The following PLD5 variants were observed in gnomAD, a reference collection of about 807,000 sequenced individuals.
PLD5 encodes the protein inactive phospholipase D5.
Under a neutral mutation model 61.1 loss-of-function variants are expected in PLD5, and 36 were observed. The ratio of observed to expected loss-of-function variants is 0.59; its 90% CI spans 0.45 to 0.78. PLD5 has a LOEUF of 0.78. Ranked by LOEUF, PLD5 falls within the 30% of genes least tolerant of loss-of-function variation. The pLI, the probability that PLD5 is intolerant of heterozygous loss-of-function variation, is 0.00. For missense variants in PLD5, 515 were observed against 644.4 expected (o/e 0.80, Z 2.17); for synonymous variants, 243 against 242.8 (o/e 1.00, Z -0.01).
At chr1:242,130,282 C>T (rs1304562320) in intron 5 of PLD5, among the ~76,000 whole-genome samples, 1 of 152,100 alleles carries the variant, frequency 6.6e-6, no homozygotes, top group Non-Finnish European at 1.5e-5. Flanking sequence ...AAACTCCTGA[C>T]CTCAGGTGAT....
In PLD5 at chr1:242,085,660, T is replaced by C. The variant is rs1659412864; in HGVS notation, c.*4194A>G. On this transcript the variant is annotated 3_prime_UTR_variant, in exon 10 of 10. Transcript: ENST00000536534. ...TGTATAATAAAGCACACCAGTTCAT[T>C]GGGAACAAGTACAGAAAGATAAAAG... is the stretch of plus-strand genomic sequence containing the variant. The C allele has an allele frequency of 6.6e-6, 1 of 152,214 alleles. No individual in the cohort carries two copies. The highest frequency in any genetic ancestry group is 2.1e-4 in the South Asian group (1 of 4,834). 9.4% of individuals were successfully genotyped at this position (152,214 alleles called of 1,614,324 possible).
chr1:242,221,306 T>C (rs1223859286), intron 4 of PLD5, among the ~76,000 whole-genome samples: 1 of 152,198 alleles, frequency 6.6e-6, no homozygotes, highest in African/African-American at 2.4e-5. Flanking sequence ...AACAGACCTA[T>C]ATGCATATAT....
chr1:242,408,863 T>C (rs776375322), intron 1 of PLD5, among the ~76,000 whole-genome samples: 1 of 152,052 alleles, frequency 6.6e-6, no homozygotes, highest in African/African-American at 2.4e-5. Flanking sequence ...GGTCAGGAGT[T>C]CGAGACCAGC....
rs149643594 is a variant in PLD5 at position 242,193,477 on chromosome 1, C to T, written c.735+26511G>A. On this transcript the variant is annotated intron_variant, in intron 5 of 9. Coordinates refer to ENST00000536534, the MANE Select transcript of PLD5 (RefSeq NM_001372062.1). ...GGTGGCCATGCACAGAGAGACTTCT[C>T]CACGGAGGGGTTCCCCTTGCCAAGG... Among the ~76,000 whole-genome samples, 37 of 152,302 alleles carry T rather than the reference C, an allele frequency of 2.4e-4. No individual in the cohort carries two copies. The East Asian group carries it at 6.2e-3, about 25-fold the overall frequency.
At chr1:242,407,550 G>GTTGT (rs58824953) in intron 1 of PLD5, among the ~76,000 whole-genome samples, 58,928 of 146,276 alleles carry the variant, frequency 0.4, 12,330 homozygotes, top group African/African-American at 0.53. Flanking sequence ...TTTTTTTGTT[G>GTTGT]TGGTTGTTTT....
At chr1:242,174,270 T>A (rs1666968719) in intron 5 of PLD5, among the ~76,000 whole-genome samples, 1 of 152,200 alleles carries the variant, frequency 6.6e-6, no homozygotes. Context: ...AAAGAAGACA[T>A]TTATGCAGCC....
chr1:242,258,261 A>T (rs190083143), intron 4 of PLD5, among the ~76,000 whole-genome samples: 1 of 152,324 alleles, frequency 6.6e-6, no homozygotes, highest in Non-Finnish European at 1.5e-5. Flanking sequence ...CACATTTCTT[A>T]AAAACCAGCA....
intron 2 of PLD5, 75 bp downstream of exon 2, chr1:242,348,031 T>C (rs942660734): frequency 6.5e-7 from 1 of 1,548,232 alleles, no homozygotes; most frequent in South Asian, 1.2e-5. Context: ...ATGTATTCTC[T>C]TCTCCATTGT....
At chr1:242,446,067 T>C (rs1282573086) in intron 1 of PLD5, among the ~76,000 whole-genome samples, 1 of 151,948 alleles carries the variant, frequency 6.6e-6, no homozygotes, top group Non-Finnish European at 1.5e-5. Flanking sequence ...ATTATTCCCA[T>C]TTTCCAGAGA....
chr1:242,200,602 T>C (rs1386312331), intron 5 of PLD5, among the ~76,000 whole-genome samples: 2 of 151,274 alleles, frequency 1.3e-5, no homozygotes, highest in Non-Finnish European at 2.9e-5. Flanking sequence ...CAGCCAATTA[T>C]TAAGTACGAG....
At chr1:242,144,159 ACACCCAGCC>A (rs1664379790) in intron 5 of PLD5, among the ~76,000 whole-genome samples, 1 of 122,860 alleles carries the variant, frequency 8.1e-6, no homozygotes, top group Non-Finnish European at 1.8e-5. Flanking sequence ...ATGAGCCACC[ACACCCAGCC>A]TCAAATTTTA....
intron 4 of PLD5, 27 bp downstream of exon 4, chr1:242,265,310 A>G: frequency 6.3e-7 from 1 of 1,595,204 alleles, no homozygotes; most frequent in Non-Finnish European, 8.5e-7. Flanking sequence ...ACCCAGCGGT[A>G]GAATAGCATA....
chr1:242,095,126 CG>C, intron 9 of PLD5, among the ~76,000 whole-genome samples: 1 of 151,504 alleles, frequency 6.6e-6, no homozygotes, highest in Non-Finnish European at 1.5e-5. Flanking sequence ...TTAGTAGAGA[CG>C]GGGTTTCACA....
rs906071106 is a variant in PLD5, at chr1:242,278,321, G to A, written c.495+10041C>T. 3.9e-5 allele frequency among the ~76,000 whole-genome samples: 6 copies of A among 152,226 alleles called. No homozygotes were observed. In the East Asian group the frequency reaches 5.8e-4, roughly 15 times the overall value. On this transcript the variant is annotated intron_variant, in intron 3 of 9. Coordinates refer to ENST00000536534, the MANE Select transcript of PLD5 (RefSeq NM_001372062.1). ...CAATCTTAAAGAAAGTAATTAATAC[G>A]AACAATTAGAAGGCATATCTTAGGT...
chr1:242,202,861 C>T (rs765899362), intron 5 of PLD5, among the ~76,000 whole-genome samples: 3 of 152,052 alleles, frequency 2.0e-5, no homozygotes, highest in African/African-American at 4.8e-5. Context: ...TACAGGCCTC[C>T]GACACCAAGC....
chr1:242,111,192 G>T (rs1218975916), intron 7 of PLD5, among the ~76,000 whole-genome samples: 1 of 152,050 alleles, frequency 6.6e-6, no homozygotes, highest in Non-Finnish European at 1.5e-5. Context: ...GAGTAGCTGG[G>T]ATTATAGGTG....
intron 2 of PLD5, among the ~76,000 whole-genome samples, chr1:242,295,504 G>A (rs1159640247): frequency 6.6e-6 from 1 of 152,130 alleles, no homozygotes; most frequent in Admixed American, 6.5e-5. Context: ...AGTATTGCAT[G>A]GTGTATACAT....
At chr1:242,475,337 G>T (rs1667558009) in intron 1 of PLD5, among the ~76,000 whole-genome samples, 1 of 150,394 alleles carries the variant, frequency 6.6e-6, no homozygotes, top group African/African-American at 2.5e-5. Flanking sequence ...GCAGGAGAAT[G>T]GCGTGAACCC....
intron 1 of PLD5, among the ~76,000 whole-genome samples, chr1:242,460,493 T>C (rs1667084520): frequency 1.3e-5 from 2 of 152,164 alleles, no homozygotes; most frequent in African/African-American, 4.8e-5. Flanking sequence ...TTTCTTATAG[T>C]CCCATGTTCA....
Sources: gnomAD v4.1 joint callset for allele counts (sites outside exome capture counted in the v4.1 genomes callset) on GRCh38, gnomAD v4.1.1 for gene constraint, MANE v1.5 for transcripts, NCBI Gene and HGNC (gene_info 2026-07-23, HGNC 2026-07-21) for gene names.